Variants in HIPK2 observed in about 807,000 individuals in gnomAD.
The protein encoded by HIPK2 is homeodomain-interacting protein kinase 2.
A neutral mutation model predicts 113.7 loss-of-function variants in HIPK2; 27 were observed. That is an observed-to-expected ratio of 0.24 (90% CI 0.17 to 0.33). The LOEUF (loss-of-function observed/expected upper bound fraction) is 0.33, where lower values mean the gene tolerates loss of function less well. Among genes scored for constraint, HIPK2 ranks in the 10% least tolerant of loss-of-function variants. The probability of loss-of-function intolerance (pLI) is 1.00; values close to 1 mark genes in which losing one functional copy is unlikely to be tolerated. For synonymous variants in HIPK2, 631 were observed against 642.2 expected (o/e 0.98, Z 0.26); for missense variants, 1,257 against 1,588.0 (o/e 0.79, Z 3.54).
intron 2 of HIPK2, among the ~76,000 whole-genome samples, chr7:139,708,484 T>A (rs775058480): frequency 8.5e-5 from 13 of 152,174 alleles, no homozygotes; most frequent in Non-Finnish European, 1.8e-4. Context: ...CCCTGGGTGA[T>A]GATGGGGCAG....
At chr7:139,586,600 C>A (rs1361709633) in intron 12 of HIPK2, among the ~76,000 whole-genome samples, 1 of 151,274 alleles carries the variant, frequency 6.6e-6, no homozygotes, top group Non-Finnish European at 1.5e-5. Flanking sequence ...AAGAGCCAAT[C>A]TCTACAAACA....
chr7:139,585,214 G>A (rs759251407), intron 12 of HIPK2, among the ~76,000 whole-genome samples: 4 of 152,172 alleles, frequency 2.6e-5, no homozygotes, highest in South Asian at 2.1e-4. Context: ...GCCACCTCCC[G>A]GGTATCTTGT....
At chr7:139,589,443 T>A (rs1415010011) in intron 12 of HIPK2, among the ~76,000 whole-genome samples, 4 of 151,720 alleles carry the variant, frequency 2.6e-5, no homozygotes, top group Non-Finnish European at 2.9e-5. Context: ...AAACACACAC[T>A]AATTTTGGCA....
chr7:139,723,177 C>T (rs10231650), intron 1 of HIPK2, among the ~76,000 whole-genome samples: 10,553 of 148,430 alleles, frequency 0.071, 662 homozygotes, highest in Admixed American at 0.19. Context: ...CACACAGTTA[C>T]GGTTTTTTTC....
At chr7:139,720,166 G>A (rs1338548870) in intron 1 of HIPK2, among the ~76,000 whole-genome samples, 1 of 152,190 alleles carries the variant, frequency 6.6e-6, no homozygotes, top group Non-Finnish European at 1.5e-5. Flanking sequence ...TACCTGGCAT[G>A]CCTTTGCTGC....
chr7:139,691,706 A>G (rs1414135036), intron 2 of HIPK2, among the ~76,000 whole-genome samples: 1 of 152,206 alleles, frequency 6.6e-6, no homozygotes, highest in African/African-American at 2.4e-5. Context: ...CTGGCTGGGG[A>G]CCAGCTGGCT....
intron 2 of HIPK2, among the ~76,000 whole-genome samples, chr7:139,672,137 T>A (rs1802325446): frequency 6.6e-6 from 1 of 152,214 alleles, no homozygotes; most frequent in Non-Finnish European, 1.5e-5. Flanking sequence ...GAACACTGAT[T>A]TAGATGCTAA....
intron 12 of HIPK2, among the ~76,000 whole-genome samples, chr7:139,590,823 T>G (rs1029764222): frequency 3.3e-5 from 5 of 152,186 alleles, no homozygotes; most frequent in Non-Finnish European, 7.3e-5. Flanking sequence ...CATTTTAATA[T>G]GGCACATACA....
chr7:139,690,360 T>C (rs1373797928), intron 2 of HIPK2, among the ~76,000 whole-genome samples: 2 of 151,976 alleles, frequency 1.3e-5, no homozygotes, highest in Non-Finnish European at 2.9e-5. Context: ...TTCCCTATGC[T>C]ACAGTTTTGA....
At chr7:139,659,494 C>T (rs949929158) in intron 2 of HIPK2, among the ~76,000 whole-genome samples, 2 of 152,238 alleles carry the variant, frequency 1.3e-5, no homozygotes, top group Non-Finnish European at 2.9e-5. Flanking sequence ...GCTGCAGCTG[C>T]AGCTTGTGCA....
chr7:139,734,873 A>G (rs1795894289), intron 1 of HIPK2, among the ~76,000 whole-genome samples: 8 of 152,234 alleles, frequency 5.3e-5, no homozygotes, highest in Admixed American at 3.9e-4. Flanking sequence ...TTATAAATAG[A>G]GATCTGCAGA....
In HIPK2 at chr7:139,631,054, C is replaced by CT; in HGVS notation, c.1347+110_1347+111insA. ...CATACCATGTATTAACAACAGCACC[C>CT]CCAGTGCCCTCATTTTGCTGACTGA... is the stretch of plus-strand genomic sequence containing the variant. On this transcript the variant is annotated intron_variant, in intron 4 of 14. Coordinates refer to ENST00000406875, the MANE Select transcript of HIPK2 (RefSeq NM_022740.5). This position sits in a 1 kb window ranked among gnomAD's most constrained non-coding sequence, Gnocchi z 4.9. 7.2e-7 allele frequency: 1 copy of CT among 1,390,810 alleles called. No homozygotes were observed. The highest frequency in any genetic ancestry group is 9.6e-7 in the Non-Finnish European group (1 of 1,038,088). The allele number at this position is 1,390,810 out of a possible 1,614,324, so 86.2% of individuals were successfully genotyped here. A position where few individuals can be genotyped will look rare whatever the true frequency, so the allele number is the denominator to read the frequency against.
At chr7:139,663,322 T>C (rs1006729220) in intron 2 of HIPK2, among the ~76,000 whole-genome samples, 1 of 152,208 alleles carries the variant, frequency 6.6e-6, no homozygotes, top group Admixed American at 6.5e-5. Context: ...CTAATTCAGC[T>C]TTCTTCCTAA....
intron 1 of HIPK2, among the ~76,000 whole-genome samples, chr7:139,763,205 C>G (rs1382645253): frequency 6.6e-6 from 1 of 152,190 alleles, no homozygotes; most frequent in Non-Finnish European, 1.5e-5. Context: ...GTGATCCATG[C>G]TGTTCAGGAT....
intron 1 of HIPK2, among the ~76,000 whole-genome samples, chr7:139,762,822 C>A (rs532811123): frequency 6.6e-6 from 1 of 152,296 alleles, no homozygotes; most frequent in African/African-American, 2.4e-5. Context: ...CTTCATGGAG[C>A]TTGCAGCCTA....
At chr7:139,745,229 C>T (rs769226474) in intron 1 of HIPK2, among the ~76,000 whole-genome samples, 13 of 152,336 alleles carry the variant, frequency 8.5e-5, no homozygotes, top group Non-Finnish European at 1.9e-4. Flanking sequence ...TCACATTATT[C>T]TGCGGTTACC....
intron 4 of HIPK2, among the ~76,000 whole-genome samples, chr7:139,629,917 T>C (rs868295445): frequency 1.3e-5 from 2 of 152,140 alleles, no homozygotes; most frequent in African/African-American, 2.4e-5. Flanking sequence ...AGTTGCCAAA[T>C]GCCAGGCCTC....
intron 1 of HIPK2, among the ~76,000 whole-genome samples, chr7:139,770,722 A>G (rs966639285): frequency 2.0e-5 from 3 of 152,240 alleles, no homozygotes; most frequent in Non-Finnish European, 4.4e-5. Context: ...TAGAGTCGAC[A>G]GCATTAACAC....
intron 1 of HIPK2, among the ~76,000 whole-genome samples, chr7:139,744,727 G>A (rs1796161535): frequency 1.3e-5 from 2 of 152,180 alleles, no homozygotes; most frequent in Non-Finnish European, 2.9e-5. Flanking sequence ...CAAGAGGCCC[G>A]CTGCGAAGCC....
Sources: gnomAD v4.1 joint callset for allele counts (sites outside exome capture counted in the v4.1 genomes callset) on GRCh38, gnomAD v4.1.1 for gene constraint, Gnocchi (gnomAD v3.1) non-coding constraint, MANE v1.5 for transcripts, NCBI Gene and HGNC (gene_info 2026-07-23, HGNC 2026-07-21) for gene names.